BCAS3: variants seen among roughly 807,000 people sequenced by gnomAD.
BCAS3 encodes BCAS3 microtubule associated cell migration factor.
A neutral mutation model predicts 116.1 loss-of-function variants in BCAS3; 53 were observed. The observed-to-expected ratio is 0.46, with a 90% confidence interval of 0.37 to 0.57. BCAS3 has a LOEUF of 0.57. BCAS3 is among the 20% of genes least tolerant of loss of function. The pLI is 0.00. For missense variants in BCAS3, 917 were observed against 1,165.4 expected (o/e 0.79, Z 3.10); for synonymous variants, 391 against 408.2 (o/e 0.96, Z 0.51).
At chr17:61,080,291 A>G (rs1420043484) in intron 21 of BCAS3, among the ~76,000 whole-genome samples, 1 of 152,172 alleles carries the variant, frequency 6.6e-6, no homozygotes, top group Non-Finnish European at 1.5e-5. Context: ...CAGATGCCAC[A>G]TCTAATTCTT....
chr17:60,687,668 G>T (rs1166954059), intron 3 of BCAS3, among the ~76,000 whole-genome samples: 3 of 151,994 alleles, frequency 2.0e-5, no homozygotes. Context: ...GTGAAAGGTA[G>T]AAGGGCAATA....
Position 61,205,443 on chromosome 17 carries a change from C to T in BCAS3, c.2425+120879C>T, listed in dbSNP as rs1236106732. On this transcript the variant is annotated intron_variant, in intron 22 of 23. Coordinates refer to ENST00000407086, the MANE Select transcript of BCAS3 (RefSeq NM_017679.5). The surrounding 1 kb of genome is among the most constrained non-coding windows in gnomAD (Gnocchi z 5.2). ...ACTTCTAATTCTACAAGAAAGATAG[C>T]TGTTGAGAGAGCTAATATCAAGGAA... 6.6e-6 allele frequency among the ~76,000 whole-genome samples: 1 copy of T among 152,174 alleles called. No homozygotes were observed. Among genetic ancestry groups the T allele is most frequent in the Non-Finnish European group, 1.5e-5 (1 of 68,044 alleles).
intron 5 of BCAS3, among the ~76,000 whole-genome samples, chr17:60,711,681 A>G (rs1417284421): frequency 6.6e-6 from 1 of 151,114 alleles, no homozygotes; most frequent in African/African-American, 2.5e-5. Flanking sequence ...TGCCTAGATT[A>G]TATTTTGAGA....
chr17:61,041,885 T>C lies in BCAS3; in HGVS notation c.2029+993T>C. ...ATTTTTATTGAGTGCCTACTATGTG[T>C]GAGGCAGTTCTGATTTAAAGGTGAT... On this transcript the variant is annotated intron_variant, in intron 19 of 23. Transcript: ENST00000407086. The surrounding 1 kb of genome is among the most constrained non-coding windows in gnomAD (Gnocchi z 4.7). Among the ~76,000 whole-genome samples the C allele has an allele frequency of 6.6e-6, 1 of 152,054 alleles. No homozygotes were observed. Among genetic ancestry groups the C allele is most frequent in the African/African-American group, 2.4e-5 (1 of 41,432 alleles).
At chr17:60,701,269 G>A (rs1374021639) in intron 4 of BCAS3, among the ~76,000 whole-genome samples, 6 of 151,884 alleles carry the variant, frequency 4.0e-5, no homozygotes, top group South Asian at 4.1e-4. Context: ...AATAAAAGTC[G>A]GAGAGGAGAG....
Position 61,302,140 on chromosome 17 carries a change from T to C in BCAS3, c.2426-66187T>C, listed in dbSNP as rs2053499909. Among the ~76,000 whole-genome samples, 1 of 152,138 alleles carries C rather than the reference T, an allele frequency of 6.6e-6. No homozygotes were observed. On this transcript the variant is annotated intron_variant, in intron 22 of 23. Transcript: ENST00000407086. The surrounding 1 kb of genome is among the most constrained non-coding windows in gnomAD (Gnocchi z 4.4). ...TCATTACCTCCTCCCTGTCCCACTC[T>C]TGCCATGCCAGGAGAAAGAGCCAAA...
intron 10 of BCAS3, among the ~76,000 whole-genome samples, chr17:60,892,843 AC>A (rs1343047787): frequency 9.9e-5 from 15 of 151,880 alleles, no homozygotes; most frequent in Admixed American, 9.8e-4. Context: ...AATCACTTGA[AC>A]CCGGGAGGTG....
intron 22 of BCAS3, among the ~76,000 whole-genome samples, chr17:61,153,778 T>C (rs2077673655): frequency 6.6e-6 from 1 of 152,252 alleles, no homozygotes; most frequent in Admixed American, 6.5e-5. Context: ...TATCAACTTT[T>C]ATATCAGAAC....
At chr17:61,039,554 C>T (rs2067335528) in intron 18 of BCAS3, among the ~76,000 whole-genome samples, 1 of 152,054 alleles carries the variant, frequency 6.6e-6, no homozygotes, top group Non-Finnish European at 1.5e-5. Flanking sequence ...TCCTGAGTAG[C>T]TGGGACTACA....
intron 22 of BCAS3, among the ~76,000 whole-genome samples, chr17:61,116,050 A>AGG (rs2075415766): frequency 7.2e-6 from 1 of 138,902 alleles, no homozygotes; most frequent in Non-Finnish European, 1.5e-5. Context: ...ATGAGATCAC[A>AGG]TGGACACAGG....
intron 2 of BCAS3, among the ~76,000 whole-genome samples, chr17:60,682,527 G>A (rs908399968): frequency 2.0e-5 from 3 of 151,764 alleles, no homozygotes; most frequent in Non-Finnish European, 4.4e-5. Context: ...TGATTTTTTC[G>A]TTGTTGTTTT....
intron 6 of BCAS3, among the ~76,000 whole-genome samples, chr17:60,790,153 G>A (rs1323570689): frequency 1.3e-5 from 2 of 152,024 alleles, no homozygotes; most frequent in African/African-American, 4.8e-5. Context: ...TAAATTTTTA[G>A]TAAGTATTAT....
rs116298681 is a variant in BCAS3, at chr17:61,213,272, C to A, written c.2425+128708C>A. Among the ~76,000 whole-genome samples, 1,874 of 152,134 alleles carry A rather than the reference C, an allele frequency of 0.012. 37 individuals carry two copies. The highest frequency in any genetic ancestry group is 0.043 in the African/African-American group (1,786 of 41,490). On this transcript the variant is annotated intron_variant, in intron 22 of 23. Coordinates refer to ENST00000407086, the MANE Select transcript of BCAS3 (RefSeq NM_017679.5). The surrounding 1 kb of genome is among the most constrained non-coding windows in gnomAD (Gnocchi z 5.4). Reference sequence around the variant, plus strand: ...GCAACCTCTGGTCCCCGGGTTCAAGCGATCCTCCTGCCTCAGCTTCTCGAG... The same window carrying A: ...GCAACCTCTGGTCCCCGGGTTCAAGAGATCCTCCTGCCTCAGCTTCTCGAG...
At chr17:60,822,727 G>A (rs7217215) in intron 7 of BCAS3, among the ~76,000 whole-genome samples, 6,707 of 152,228 alleles carry the variant, frequency 0.044, 391 homozygotes, top group African/African-American at 0.13. Flanking sequence ...GCACTTCCAG[G>A]TCAGACCTAT....
chr17:61,206,140 GT>G (rs1322193477), intron 22 of BCAS3, among the ~76,000 whole-genome samples: 1 of 152,160 alleles, frequency 6.6e-6, no homozygotes, highest in Non-Finnish European at 1.5e-5. Flanking sequence ...TTGCACTCTA[GT>G]TATAGGCACT....
At chr17:60,805,165 G>A (rs2048161486) in intron 6 of BCAS3, among the ~76,000 whole-genome samples, 1 of 151,820 alleles carries the variant, frequency 6.6e-6, no homozygotes, top group South Asian at 2.1e-4. Context: ...TTTTTAAGTA[G>A]AAAATGTCTG....
At chr17:60,764,493 T>C (rs944785461) in intron 6 of BCAS3, among the ~76,000 whole-genome samples, 1 of 152,218 alleles carries the variant, frequency 6.6e-6, no homozygotes, top group Non-Finnish European at 1.5e-5. Flanking sequence ...AGTTTCCATG[T>C]AGTTGTGCAG....
chr17:61,101,709 G>A (rs1354310023), intron 22 of BCAS3, among the ~76,000 whole-genome samples: 2 of 151,958 alleles, frequency 1.3e-5, no homozygotes, highest in African/African-American at 4.8e-5. Flanking sequence ...TCATCCTCTT[G>A]ACTTGTGTTT....
intron 6 of BCAS3, among the ~76,000 whole-genome samples, chr17:60,804,278 C>T (rs1389601620): frequency 6.6e-6 from 1 of 150,702 alleles, no homozygotes; most frequent in African/African-American, 2.4e-5. Context: ...GTCAGGAGTT[C>T]GAGACCAGCC....
Sources: allele counts gnomAD v4.1 joint callset (sites outside exome capture counted in the v4.1 genomes callset), GRCh38; gene constraint gnomAD v4.1.1; non-coding constraint Gnocchi (gnomAD v3.1); transcripts MANE v1.5; gene names NCBI Gene and HGNC (gene_info 2026-07-23, HGNC 2026-07-21).